Variants in ADIPOR2 observed in about 807,000 individuals in gnomAD.
ADIPOR2 encodes adiponectin receptor 2.
A neutral mutation model predicts 40.9 loss-of-function variants in ADIPOR2; 18 were observed. The observed-to-expected ratio is 0.44, with a 90% CI of 0.30 to 0.65. The LOEUF (loss-of-function observed/expected upper bound fraction) is 0.65, where lower values mean the gene tolerates loss of function less well. ADIPOR2 is among the 30% of genes least tolerant of loss of function. The pLI is 0.09. For missense variants in ADIPOR2, 283 were observed against 479.2 expected (o/e 0.59, Z 3.82); for synonymous variants, 165 against 166.4 (o/e 0.99, Z 0.06).
intron 2 of ADIPOR2, among the ~76,000 whole-genome samples, 196 bp downstream of exon 2, chr12:1,754,710 A>G (rs1296391079): frequency 4.4e-5 from 3 of 67,856 alleles, no homozygotes; most frequent in African/African-American, 1.7e-4. Flanking sequence ...TACTACTACT[A>G]CTACTACTAC....
intron 1 of ADIPOR2, among the ~76,000 whole-genome samples, chr12:1,712,171 T>C (rs945194552): frequency 3.9e-5 from 6 of 152,110 alleles, no homozygotes; most frequent in African/African-American, 1.2e-4. Context: ...AGGGGACTTC[T>C]AAGAGATCCT....
intron 3 of ADIPOR2, among the ~76,000 whole-genome samples, chr12:1,775,672 T>C (rs1862576198): frequency 6.6e-6 from 1 of 152,102 alleles, no homozygotes; most frequent in Non-Finnish European, 1.5e-5. Context: ...AAAATAAAAT[T>C]CCCCCAAAGT....
intron 2 of ADIPOR2, among the ~76,000 whole-genome samples, chr12:1,765,971 T>C (rs141993838): frequency 6.6e-6 from 1 of 152,312 alleles, no homozygotes; most frequent in African/African-American, 2.4e-5. Flanking sequence ...GTCATTTAGT[T>C]TAGTAGACAC....
chr12:1,726,440 T>G (rs1259199022), intron 1 of ADIPOR2, among the ~76,000 whole-genome samples: 3 of 152,146 alleles, frequency 2.0e-5, no homozygotes, highest in Non-Finnish European at 2.9e-5. Flanking sequence ...TCAGGTTATC[T>G]GCCTGTGTTG....
intron 1 of ADIPOR2, among the ~76,000 whole-genome samples, chr12:1,709,043 A>T (rs2094669983): frequency 6.6e-6 from 1 of 152,102 alleles, no homozygotes; most frequent in African/African-American, 2.4e-5. Flanking sequence ...TTATGCCAGT[A>T]CTACACTTGA....
chr12:1,778,268 G>A, intron 4 of ADIPOR2: 2 of 373,782 alleles, frequency 5.4e-6, no homozygotes, highest in Non-Finnish European at 9.4e-6. Context: ...CTCAAACCAG[G>A]CCAAGTAAAA....
At chr12:1,737,216 A>G (rs1420700802) in intron 1 of ADIPOR2, among the ~76,000 whole-genome samples, 3 of 152,200 alleles carry the variant, frequency 2.0e-5, no homozygotes, top group South Asian at 2.1e-4. Flanking sequence ...TAGCCTGTAT[A>G]TATTTGCAGA....
At chr12:1,751,593 G>A (rs1022314894) in intron 1 of ADIPOR2, among the ~76,000 whole-genome samples, 1 of 151,920 alleles carries the variant, frequency 6.6e-6, no homozygotes, top group African/African-American at 2.4e-5. Flanking sequence ...GTGCAACCTC[G>A]AACTCCTGGG....
At chr12:1,782,972 C>CTTTTTTTTTTT (rs1565660196) in intron 6 of ADIPOR2, among the ~76,000 whole-genome samples, 1 of 98,248 alleles carries the variant, frequency 1.0e-5, no homozygotes, top group African/African-American at 4.4e-5. Context: ...TTCTTTCTTT[C>CTTTTTTTTTTT]TTTCTTTTTT....
chr12:1,744,434 G>A (rs146484941), intron 1 of ADIPOR2, among the ~76,000 whole-genome samples: 10 of 151,466 alleles, frequency 6.6e-5, no homozygotes, highest in Non-Finnish European at 1.2e-4. Flanking sequence ...CTGAGACAGA[G>A]TCTTTGGCTC....
chr12:1,699,886 C>G (rs879486880), intron 1 of ADIPOR2, among the ~76,000 whole-genome samples: 5 of 152,012 alleles, frequency 3.3e-5, no homozygotes, highest in Admixed American at 2.6e-4. Context: ...TTGGAGTATA[C>G]CATGTGTTAG....
chr12:1,785,936 C>G lies in ADIPOR2; in HGVS notation c.1033-8C>G, dbSNP rs1862822658. ...CTCTACCCCCTTCTCTTCTTTTTTC[C>G]CCTCCAGTTTCACTCTCATCAGCTG... On this transcript the variant is annotated splice_region_variant and splice_polypyrimidine_tract_variant and intron_variant, in intron 7 of 7. Transcript: ENST00000357103. 2 of 1,609,304 alleles carry G rather than the reference C, an allele frequency of 1.2e-6. No individual in the cohort carries two copies. Among genetic ancestry groups the G allele is most frequent in the South Asian group, 1.1e-5 (1 of 89,968 alleles).
At chr12:1,767,657 C>A (rs185655570) in intron 2 of ADIPOR2, among the ~76,000 whole-genome samples, 19 of 152,254 alleles carry the variant, frequency 1.2e-4, no homozygotes, top group Non-Finnish European at 2.2e-4. Context: ...CAAACTAAGC[C>A]AGGTTTATTA....
rs1005796532 is a variant in ADIPOR2, at chr12:1,783,926, C to T, written c.885C>T (p.His295=). The T allele has an allele frequency of 8.1e-6, 13 of 1,613,498 alleles. No homozygotes were observed. The highest frequency in any genetic ancestry group is 1.1e-5 in the Non-Finnish European group (13 of 1,179,666). The change falls in exon 7 of 8, where the codon CAC becomes CAT. Residue 295 remains histidine (H), a synonymous_variant. Transcript: ENST00000357103. ...LGLSGIIPTL[H]YVISEGFLKA... is the part of the protein sequence containing the mutation. ...TGAGTGGAATCATTCCTACCTTGCA[C>T]TATGTCATCTCGGAGGGGTTCCTTA... is the stretch of plus-strand genomic sequence containing the variant.
intron 1 of ADIPOR2, among the ~76,000 whole-genome samples, chr12:1,705,573 G>A (rs1252348659): frequency 6.6e-6 from 1 of 152,068 alleles, no homozygotes; most frequent in Non-Finnish European, 1.5e-5. Context: ...TTAGACTTGG[G>A]TTATATCCCC....
chr12:1,766,475 C>T (rs1175768257), intron 2 of ADIPOR2, among the ~76,000 whole-genome samples: 1 of 152,178 alleles, frequency 6.6e-6, no homozygotes, highest in Non-Finnish European at 1.5e-5. Context: ...ATTCAAATTT[C>T]TTTTTGCAAT....
At chr12:1,743,748 T>G (rs1235859575) in intron 1 of ADIPOR2, among the ~76,000 whole-genome samples, 1 of 152,226 alleles carries the variant, frequency 6.6e-6, no homozygotes, top group African/African-American at 2.4e-5. Flanking sequence ...TGTTGAAAAA[T>G]TAATCACTTA....
At chr12:1,719,605 G>T (rs1335011296) in intron 1 of ADIPOR2, among the ~76,000 whole-genome samples, 1 of 152,014 alleles carries the variant, frequency 6.6e-6, no homozygotes, top group Non-Finnish European at 1.5e-5. Context: ...ATATTTTATT[G>T]CATGTAGTAA....
chr12:1,713,318 G>A (rs1368853040), intron 1 of ADIPOR2, among the ~76,000 whole-genome samples: 1 of 152,138 alleles, frequency 6.6e-6, no homozygotes, highest in African/African-American at 2.4e-5. Flanking sequence ...TCATTGATGA[G>A]TCTAAGATCT....
Sources: gnomAD v4.1 joint callset for allele counts (sites outside exome capture counted in the v4.1 genomes callset) on GRCh38, gnomAD v4.1.1 for gene constraint, MANE v1.5 for transcripts, NCBI Gene and HGNC (gene_info 2026-07-23, HGNC 2026-07-21) for gene names.